The following TMEM181 variants were observed in gnomAD, a reference collection of about 807,000 sequenced individuals.
The protein encoded by TMEM181 is transmembrane protein 181, also known as G protein-coupled receptor 178.
Under a neutral mutation model 71.9 loss-of-function variants are expected in TMEM181, and 39 were observed. The observed-to-expected ratio is 0.54, with a 90% CI of 0.42 to 0.71. The LOEUF is 0.71. Ranked by LOEUF, TMEM181 falls within the 30% of genes least tolerant of loss-of-function variation. The probability of loss-of-function intolerance (pLI) is 0.00; values close to 1 mark genes in which losing one functional copy is unlikely to be tolerated. For synonymous variants in TMEM181, 245 were observed against 228.8 expected (o/e 1.07, Z -0.64); for missense variants, 595 against 583.0 (o/e 1.02, Z -0.21).
intron 2 of TMEM181, 113 bp from the exon 3 acceptor site, chr6:158,580,827 G>C: frequency 2.3e-6 from 2 of 885,448 alleles, no homozygotes; most frequent in Non-Finnish European, 3.5e-6. Context: ...GAAAAACCAG[G>C]TGAATTAAGG....
chr6:158,608,776 C>T (rs375014286), intron 10 of TMEM181, 26 bp downstream of exon 10: 3 of 1,597,576 alleles, frequency 1.9e-6, no homozygotes, highest in African/African-American at 1.4e-5. Flanking sequence ...ATGTGTGAAA[C>T]TTCAGTCATG....
In TMEM181 at chr6:158,573,504, C is replaced by A. The variant is rs6926561; in HGVS notation, c.93C>A (p.Thr31=). Residue 31 remains threonine (T), a synonymous_variant, in exon 2 of 17, where the codon ACC becomes ACA. Transcript: ENST00000684151. The part of the protein sequence containing the change: ...FVVFFICFGL[T]IFVGIRGPKV... ...TCTTCTTCATCTGCTTTGGCCTGACCATCTTCGTTGGGATCAGAGGTAAGG... is the reference window on the plus strand; with the variant it reads ...TCTTCTTCATCTGCTTTGGCCTGACAATCTTCGTTGGGATCAGAGGTAAGG... The A allele has an allele frequency of 3.0e-4, 476 of 1,607,296 alleles. No homozygotes were observed. The African/African-American group carries it at 4.6e-3, about 16-fold the overall frequency.
At chr6:158,553,904 CATT>C (rs930865148) in intron 1 of TMEM181, among the ~76,000 whole-genome samples, 4 of 151,830 alleles carry the variant, frequency 2.6e-5, no homozygotes, top group African/African-American at 7.3e-5. Flanking sequence ...AATGCTGTTT[CATT>C]ATTTTTATTT....
upstream of TMEM181, among the ~76,000 whole-genome samples, chr6:158,559,230 CCT>C (rs1344191978): frequency 1.3e-5 from 2 of 152,144 alleles, no homozygotes; most frequent in Admixed American, 6.6e-5. Context: ...ACTGTAGCAC[CCT>C]GAGCTAAGGC....
At chr6:158,552,575 C>A (rs889249961) in intron 1 of TMEM181, among the ~76,000 whole-genome samples, 2 of 152,180 alleles carry the variant, frequency 1.3e-5, no homozygotes, top group African/African-American at 2.4e-5. Context: ...TGCTTCAGGT[C>A]TTCAAGATAA....
chr6:158,571,980 C>T (rs1018675589), intron 1 of TMEM181, among the ~76,000 whole-genome samples: 4 of 152,220 alleles, frequency 2.6e-5, no homozygotes, highest in African/African-American at 4.8e-5. Context: ...GCTCTCTTGT[C>T]TCATGTTTGT....
intron 1 of TMEM181, among the ~76,000 whole-genome samples, chr6:158,554,274 C>T (rs1781808470): frequency 6.6e-6 from 1 of 151,968 alleles, no homozygotes; most frequent in Non-Finnish European, 1.5e-5. Context: ...TTAGTAGAGA[C>T]GAGGTTTCAC....
chr6:158,618,900 T>C (rs1384302946), intron 10 of TMEM181, among the ~76,000 whole-genome samples: 3 of 152,212 alleles, frequency 2.0e-5, no homozygotes, highest in Admixed American at 2.0e-4. Flanking sequence ...TAACCTGACC[T>C]TTCTCTCTGG....
At chr6:158,569,845 C>T (rs2128291253) in intron 1 of TMEM181, among the ~76,000 whole-genome samples, 1 of 152,294 alleles carries the variant, frequency 6.6e-6, no homozygotes, top group Admixed American at 6.5e-5. Flanking sequence ...AGGTGATCTG[C>T]CTGCCTCGGC....
At chr6:158,584,104 A>T in intron 4 of TMEM181, 60 bp downstream of exon 4, 1 of 1,414,670 alleles carries the variant, frequency 7.1e-7, no homozygotes, top group Non-Finnish European at 9.8e-7. Flanking sequence ...CGTATTTTAG[A>T]TGTTGACTTC....
In TMEM181 at chr6:158,547,842, A is replaced by G. The variant is rs370228638; in HGVS notation, c.131+10977A>G. Among the ~76,000 whole-genome samples, 40 of 137,756 alleles carry G rather than the reference A, an allele frequency of 2.9e-4. No individual in the cohort carries two copies. The South Asian group carries it at 8.9e-3, about 31-fold the overall frequency. 90.4% of individuals were successfully genotyped at this position (137,756 alleles called of 152,430 possible). ...CCAGAAGTTGCGGTGAGTCGATATC[A>G]CGCCATTGCACTCCGGCCTGGGCAA... On this transcript the variant is annotated intron_variant, in intron 1 of 16. Transcript: ENST00000367090.
At chr6:158,608,858 C>T (rs895919252) in intron 10 of TMEM181, 108 bp downstream of exon 10, 2 of 974,370 alleles carry the variant, frequency 2.1e-6, no homozygotes, top group Non-Finnish European at 3.1e-6. Flanking sequence ...AGCACTTTGA[C>T]AGGCTGAGGC....
chr6:158,557,328 C>T (rs1173013216), upstream of TMEM181, among the ~76,000 whole-genome samples: 5 of 148,784 alleles, frequency 3.4e-5, no homozygotes, highest in Admixed American at 6.8e-5. Context: ...GCCGAGATTG[C>T]GCCACTGCAT....
rs903758620 is a variant in TMEM181, at chr6:158,634,940, T to C, written c.*3052T>C. ...ATTAAAACGGATGTGTCTGAACATT[T>C]AGTGAAGATGAGACTTAAAACATGA... On this transcript the variant is annotated 3_prime_UTR_variant, in exon 17 of 17. Transcript: ENST00000684151. 6.6e-6 allele frequency: 1 copy of C among 152,146 alleles called. No individual in the cohort carries two copies. The highest frequency in any genetic ancestry group is 1.5e-5 in the Non-Finnish European group (1 of 68,026). The allele number at this position is 152,146 out of a possible 1,614,324, so 9.4% of individuals were successfully genotyped here. A position where few individuals can be genotyped will look rare whatever the true frequency, so the allele number is the denominator to read the frequency against.
exon 1 of TMEM181, chr6:158,536,768 C>T: frequency 6.3e-7 from 1 of 1,575,120 alleles, no homozygotes; most frequent in Non-Finnish European, 8.6e-7. Flanking sequence ...TGAGCCCCCG[C>T]TCTGCAGCGA....
At chr6:158,551,105 A>C (rs978832627) in intron 1 of TMEM181, among the ~76,000 whole-genome samples, 2 of 151,864 alleles carry the variant, frequency 1.3e-5, no homozygotes, top group Non-Finnish European at 2.9e-5. Context: ...GACTGCAGGC[A>C]TGCACCACCA....
In TMEM181 at chr6:158,607,351, GT is replaced by G; in HGVS notation, c.673+10del. 6.2e-7 allele frequency: 1 copy of G among 1,612,802 alleles called. No homozygotes were observed. Among genetic ancestry groups the G allele is most frequent in the Non-Finnish European group, 8.5e-7 (1 of 1,178,744 alleles). The stretch of plus-strand genomic sequence containing the variant: ...TGCTGCTACTTTACAATGGTGGGTA[GT>G]TCCATTTTTACTTAGGAACTTTTCC... On this transcript the variant is annotated intron_variant, in intron 8 of 16. Transcript: ENST00000684151.
At chr6:158,575,138 ATAATGTT>A in intron 2 of TMEM181, among the ~76,000 whole-genome samples, 1 of 152,352 alleles carries the variant, frequency 6.6e-6, no homozygotes, top group Middle Eastern at 3.4e-3. Context: ...ACACAATAGA[ATAATGTT>A]TAACCAAATG....
chr6:158,601,887 A>G (rs2128312947), intron 6 of TMEM181, among the ~76,000 whole-genome samples: 1 of 152,346 alleles, frequency 6.6e-6, no homozygotes, highest in African/African-American at 2.4e-5. Flanking sequence ...TATTAATGGC[A>G]GGAGCTGGAA....
Sources: allele counts gnomAD v4.1 joint callset (sites outside exome capture counted in the v4.1 genomes callset), GRCh38; gene constraint gnomAD v4.1.1; transcripts MANE v1.5; gene names NCBI Gene and HGNC (gene_info 2026-07-23, HGNC 2026-07-21).